Variants in COL5A2 observed in about 807,000 individuals in gnomAD.
COL5A2 encodes the protein collagen alpha-2(V) chain.
COL5A2 carries 23 observed loss-of-function variants against 208.2 expected under a neutral mutation model. That is an observed-to-expected ratio of 0.11 (90% confidence interval 0.08 to 0.16). The LOEUF (loss-of-function observed/expected upper bound fraction) is 0.16, where lower values mean the gene tolerates loss of function less well. Ranked by LOEUF, COL5A2 falls within the 10% of genes least tolerant of loss-of-function variation. The pLI is 1.00. For missense variants in COL5A2, 1,590 were observed against 1,956.4 expected, an observed-to-expected ratio of 0.81 and a Z score of 3.53; for synonymous variants, 625 against 628.5, an observed-to-expected ratio of 0.99 and a Z score of 0.08.
intron 1 of COL5A2, among the ~76,000 whole-genome samples, chr2:189,160,665 C>A (rs983127200): frequency 6.6e-6 from 1 of 152,000 alleles, no homozygotes; most frequent in Non-Finnish European, 1.5e-5. Context: ...ATTAATCAAT[C>A]AATAAATTGC....
At chr2:189,424,535 T>C in the COL5A2 span, among the ~76,000 whole-genome samples, 1 of 152,002 alleles carries the variant, frequency 6.6e-6, no homozygotes, top group Non-Finnish European at 1.5e-5. Flanking sequence ...GCAATCTACT[T>C]GAAAGGGAAA....
At chr2:189,400,299 ACTTC>A in the COL5A2 span, among the ~76,000 whole-genome samples, 1 of 152,150 alleles carries the variant, frequency 6.6e-6, no homozygotes, top group East Asian at 1.9e-4. Flanking sequence ...TTCTTCTGGA[ACTTC>A]AACTACACAT....
exon 1 of COL5A2, among the ~76,000 whole-genome samples, chr2:189,225,300 T>A (rs1460191341): frequency 6.6e-6 from 1 of 152,094 alleles, no homozygotes. Flanking sequence ...TGGCCAGAGT[T>A]CTCAAGACCT....
At chr2:189,317,771 G>T in the COL5A2 span, among the ~76,000 whole-genome samples, 1 of 152,246 alleles carries the variant, frequency 6.6e-6, no homozygotes, top group Middle Eastern at 3.4e-3. Flanking sequence ...TATGCTTGAA[G>T]TACAGATTCA....
At chr2:189,231,616 T>C in the COL5A2 span, among the ~76,000 whole-genome samples, 2 of 151,742 alleles carry the variant, frequency 1.3e-5, no homozygotes, top group African/African-American at 4.8e-5. Context: ...CTTTTTTGTC[T>C]GATAACTTAT....
At position 189,097,580 on chromosome 2, in the gene COL5A2, G is replaced by C. The variant is rs140475457; in HGVS notation, c.403-250C>G. 1.1e-3 allele frequency: 693 copies of C among 656,072 alleles called. 4 individuals carry two copies. In the African/African-American group the frequency reaches 0.011, roughly 10 times the overall value. 40.6% of individuals were successfully genotyped at this position (656,072 alleles called of 1,614,324 possible). A position where few individuals can be genotyped will look rare whatever the true frequency, so the allele number is the denominator to read the frequency against. ...ACATTATGGCATCATGGAGCATAGT[G>C]AGCTAAATAGATTAGCTTGACTAGT... is the stretch of plus-strand genomic sequence containing the variant. On this transcript the variant is annotated intron_variant, in intron 5 of 53. Coordinates refer to ENST00000374866, the MANE Select transcript of COL5A2 (RefSeq NM_000393.5).
the COL5A2 span, among the ~76,000 whole-genome samples, chr2:189,355,840 G>C: frequency 1.4e-4 from 21 of 152,080 alleles, no homozygotes; most frequent in African/African-American, 4.8e-4. Context: ...TGGTTACTTT[G>C]CCCGTTACTT....
At chr2:189,110,197 A>G (rs1687231533) in intron 2 of COL5A2, 28 bp downstream of exon 2, 1 of 1,459,760 alleles carries the variant, frequency 6.9e-7, no homozygotes, top group Non-Finnish European at 9.6e-7. Flanking sequence ...AACTGGATCA[A>G]TTATGAGTTG....
intron 1 of COL5A2, among the ~76,000 whole-genome samples, chr2:189,192,701 T>C (rs1688946085): frequency 6.6e-6 from 1 of 152,218 alleles, no homozygotes; most frequent in Non-Finnish European, 1.5e-5. Flanking sequence ...ATTAAAAGTG[T>C]ATTTTCAATG....
the COL5A2 span, among the ~76,000 whole-genome samples, chr2:189,232,150 T>C: frequency 6.6e-6 from 1 of 151,728 alleles, no homozygotes; most frequent in Non-Finnish European, 1.5e-5. Flanking sequence ...TCAGTGACCA[T>C]GGTGACTCAG....
At chr2:189,271,354 C>G in the COL5A2 span, among the ~76,000 whole-genome samples, 2 of 152,040 alleles carry the variant, frequency 1.3e-5, no homozygotes, top group African/African-American at 4.8e-5. Flanking sequence ...AATAACGCCA[C>G]ACATCTACAA....
At chr2:189,066,646 T>TGAGC in intron 22 of COL5A2, 83 bp downstream of exon 22, 1 of 1,357,764 alleles carries the variant, frequency 7.4e-7, no homozygotes, top group South Asian at 1.2e-5. Context: ...TTCTCATTAT[T>TGAGC]ATTTTAAACC....
In COL5A2 at chr2:189,080,015, T is replaced by C; in HGVS notation, c.923A>G (p.Glu308Gly). ...LKGHRGHKGLEGPKGEVGAPG... is the reference protein window; with the variant it reads ...LKGHRGHKGLGGPKGEVGAPG... ...TGCTCCAACTTCACCTTTAGGGCCT[T>C]CAAGACCTTTGTGTCCCTGAGAATA... is the stretch of plus-strand genomic sequence containing the variant. Residue 308 changes from glutamate (E) to glycine (G), a missense_variant, in exon 14 of 54, where the codon GAA becomes GGA. Glu to Gly is a moderately conservative substitution (Grantham distance 98). Coordinates refer to ENST00000374866, the MANE Select transcript of COL5A2 (RefSeq NM_000393.5). The C allele has an allele frequency of 6.2e-7, 1 of 1,612,874 alleles. No homozygotes were observed. Among genetic ancestry groups the C allele is most frequent in the Non-Finnish European group, 8.5e-7 (1 of 1,179,018 alleles).
chr2:189,041,716 T>C lies in COL5A2; in HGVS notation c.3526-23A>G, dbSNP rs373829225. The C allele has an allele frequency of 1.1e-4, 173 of 1,571,202 alleles. No individual in the cohort carries two copies. In the African/African-American group the frequency reaches 2.0e-3, roughly 18 times the overall value. On this transcript the variant is annotated intron_variant, in intron 49 of 53. Transcript: ENST00000374866. Reference sequence around the variant, plus strand: ...ACCCTGCAAGAAACAAAGACTGTAGTTTAGATTCTATGAAGGAAAAATTTT... The same window carrying C: ...ACCCTGCAAGAAACAAAGACTGTAGCTTAGATTCTATGAAGGAAAAATTTT...
intron 1 of COL5A2, among the ~76,000 whole-genome samples, chr2:189,150,497 T>A (rs906070455): frequency 2.0e-5 from 3 of 152,158 alleles, no homozygotes; most frequent in Non-Finnish European, 2.9e-5. Flanking sequence ...TTTTAGTTTT[T>A]AAAAAAATTC....
chr2:189,302,007 A>C, the COL5A2 span, among the ~76,000 whole-genome samples: 1 of 152,164 alleles, frequency 6.6e-6, no homozygotes, highest in Non-Finnish European at 1.5e-5. Context: ...AAATTGAATA[A>C]CTATTTATTT....
chr2:189,050,536 T>C (rs1225988364), intron 43 of COL5A2, 33 bp downstream of exon 43: 1 of 1,432,092 alleles, frequency 7.0e-7, no homozygotes, highest in Non-Finnish European at 9.6e-7. Flanking sequence ...ATTGCACATA[T>C]GAGATAAAAT....
the COL5A2 span, among the ~76,000 whole-genome samples, chr2:189,402,047 T>C: frequency 6.6e-6 from 1 of 152,164 alleles, no homozygotes; most frequent in Non-Finnish European, 1.5e-5. Context: ...GTTACTTTTG[T>C]TGCACAGAAA....
At chr2:189,095,067 C>T (rs1256106983) in intron 6 of COL5A2, 2 of 151,638 alleles carry the variant, frequency 1.3e-5, no homozygotes, top group African/African-American at 4.9e-5. Context: ...AATTATTTGG[C>T]CTAACATATC....
Sources: allele counts gnomAD v4.1 joint callset (sites outside exome capture counted in the v4.1 genomes callset), GRCh38; gene constraint gnomAD v4.1.1; transcripts MANE v1.5; gene names NCBI Gene and HGNC (gene_info 2026-07-23, HGNC 2026-07-21).